The following TRPM3 variants were observed in gnomAD, a reference collection of about 807,000 sequenced individuals.
TRPM3 encodes long transient receptor potential channel 3.
TRPM3 carries 77 observed loss-of-function variants against 181.2 expected under a neutral mutation model. The ratio of observed to expected loss-of-function variants is 0.42; its 90% confidence interval spans 0.35 to 0.51. The LOEUF (loss-of-function observed/expected upper bound fraction) is 0.51. TRPM3 is among the 20% of genes least tolerant of loss of function. TRPM3 has a pLI of 0.01. For synonymous variants in TRPM3, 745 were observed against 796.4 expected, an observed-to-expected ratio of 0.94 and a Z score of 1.09; for missense variants, 1,759 against 2,196.7, an observed-to-expected ratio of 0.80 and a Z score of 3.98.
At chr9:71,219,359 T>TGTG (rs1209842015) in intron 1 of TRPM3, among the ~76,000 whole-genome samples, 1 of 152,222 alleles carries the variant, frequency 6.6e-6, no homozygotes. Flanking sequence ...CCTGAACCTC[T>TGTG]TAATGGTCAA....
chr9:70,561,806 G>A (rs923181834), intron 22 of TRPM3, among the ~76,000 whole-genome samples: 1 of 152,168 alleles, frequency 6.6e-6, no homozygotes, highest in Non-Finnish European at 1.5e-5. Context: ...GGAAGTCCAA[G>A]ATGGCTTTAG....
At chr9:71,168,943 C>T (rs1017040699) in intron 1 of TRPM3, among the ~76,000 whole-genome samples, 7 of 152,084 alleles carry the variant, frequency 4.6e-5, no homozygotes, top group African/African-American at 1.7e-4. Flanking sequence ...CCTGCTGTTT[C>T]ATTTCCTCAT....
chr9:71,263,863 T>C lies in TRPM3; in HGVS notation c.183+182790A>G, dbSNP rs761009138. ...GGCATGATCATAACTCACTGCAGCC[T>C]GAAACTCCCAGGCTCAAGCAAGCCT... On this transcript the variant is annotated intron_variant, in intron 1 of 24. Coordinates refer to the TRPM3 transcript ENST00000357533. Among the ~76,000 whole-genome samples the C allele has an allele frequency of 1.1e-3, 170 of 152,278 alleles. 3 individuals are homozygous for C. The highest frequency in any genetic ancestry group is 7.2e-4 in the Admixed American group (11 of 15,280).
intron 1 of TRPM3, among the ~76,000 whole-genome samples, chr9:70,937,040 T>A (rs574820642): frequency 5.6e-4 from 86 of 152,280 alleles, no homozygotes; most frequent in African/African-American, 2.0e-3. Context: ...ATTAACACAA[T>A]GAAGAAAAGT....
At chr9:71,099,618 C>T (rs2067960493) in intron 1 of TRPM3, among the ~76,000 whole-genome samples, 1 of 152,066 alleles carries the variant, frequency 6.6e-6, no homozygotes, top group African/African-American at 2.4e-5. Context: ...TTCCCCCCCT[C>T]AAAAAACCTG....
At chr9:70,916,885 G>A in intron 1 of TRPM3, 1 of 676,782 alleles carries the variant, frequency 1.5e-6, no homozygotes, top group Non-Finnish European at 2.4e-6. Flanking sequence ...AAAAGTCAGT[G>A]CTGGCAGATG....
In TRPM3 at chr9:70,529,976, G is replaced by C. The variant is rs1244018054; in HGVS notation, c.*5977C>G. 6.6e-6 allele frequency: 1 copy of C among 152,246 alleles called. No homozygotes were observed. Among genetic ancestry groups the C allele is most frequent in the East Asian group, 1.9e-4 (1 of 5,202 alleles). 9.4% of individuals were successfully genotyped at this position (152,246 alleles called of 1,614,324 possible). A position where few individuals can be genotyped will look rare whatever the true frequency, so the allele number is the denominator to read the frequency against. ...CTGGATCCGGCCCCTCCATGTGTTTGAATTTGCAGCCTCTCAGTCTATGTG... is the reference window on the plus strand; with the variant it reads ...CTGGATCCGGCCCCTCCATGTGTTTCAATTTGCAGCCTCTCAGTCTATGTG... On this transcript the variant is annotated 3_prime_UTR_variant, in exon 26 of 26. Transcript: ENST00000677713.
At chr9:71,223,734 TG>T (rs1239025949) in intron 1 of TRPM3, among the ~76,000 whole-genome samples, 1 of 152,132 alleles carries the variant, frequency 6.6e-6, no homozygotes, top group Non-Finnish European at 1.5e-5. Context: ...GAAGAATCCT[TG>T]GGGGATACCC....
At chr9:70,766,888 TCTA>T (rs2079239185) in intron 7 of TRPM3, among the ~76,000 whole-genome samples, 1 of 152,234 alleles carries the variant, frequency 6.6e-6, no homozygotes, top group African/African-American at 2.4e-5. Flanking sequence ...GTGTTGATGT[TCTA>T]TTTTTCATAT....
rs144440517 is a variant in TRPM3 at position 70,648,801 on chromosome 9, T to C, written c.1346-8141A>G. ...TAACTGGTTAGCCACATGCAAAAGA[T>C]TGAAACTGGACCCCTTCGTTTCACT... On this transcript the variant is annotated intron_variant, in intron 9 of 25. Coordinates refer to ENST00000677713, the MANE Select transcript of TRPM3 (RefSeq NM_001366145.2). Among the ~76,000 whole-genome samples, 214 of 152,226 alleles carry C rather than the reference T, an allele frequency of 1.4e-3. 1 individual carries two copies. Among genetic ancestry groups the C allele is most frequent in the African/African-American group, 4.8e-3 (200 of 41,548 alleles).
At chr9:70,899,843 T>C (rs927191162) in intron 1 of TRPM3, among the ~76,000 whole-genome samples, 1 of 152,200 alleles carries the variant, frequency 6.6e-6, no homozygotes, top group Non-Finnish European at 1.5e-5. Context: ...AGAAGATACT[T>C]GATATTTGAA....
At chr9:71,147,124 A>G (rs972466494) in intron 1 of TRPM3, among the ~76,000 whole-genome samples, 5 of 152,136 alleles carry the variant, frequency 3.3e-5, no homozygotes, top group African/African-American at 1.2e-4. Context: ...CTAGGAGCCA[A>G]GTGTTCCCTT....
At chr9:71,125,136 C>G (rs893273372), upstream of TRPM3, among the ~76,000 whole-genome samples, 1 of 152,118 alleles carries the variant, frequency 6.6e-6, no homozygotes, top group South Asian at 2.1e-4. Context: ...TTAATATTAA[C>G]GTCTTGCTTG....
chr9:71,067,534 T>C (rs983089491), intron 1 of TRPM3, among the ~76,000 whole-genome samples: 2 of 152,182 alleles, frequency 1.3e-5, no homozygotes, highest in Non-Finnish European at 2.9e-5. Flanking sequence ...GAATAAATCA[T>C]CTGTTTATAC....
At chr9:70,962,162 A>G (rs1220454270) in intron 1 of TRPM3, among the ~76,000 whole-genome samples, 1 of 152,152 alleles carries the variant, frequency 6.6e-6, no homozygotes, top group African/African-American at 2.4e-5. Flanking sequence ...TAGAACTTAT[A>G]TTGAGGCATT....
chr9:70,697,190 C>T (rs1228275763), intron 8 of TRPM3, among the ~76,000 whole-genome samples: 1 of 152,166 alleles, frequency 6.6e-6, no homozygotes, highest in African/African-American at 2.4e-5. Context: ...TGCAAGTCCT[C>T]ACGTAAAACT....
chr9:70,844,094 T>C (rs2094837307), intron 4 of TRPM3, among the ~76,000 whole-genome samples: 1 of 152,188 alleles, frequency 6.6e-6, no homozygotes, highest in Admixed American at 6.5e-5. Flanking sequence ...CTTCTAACAG[T>C]AAAACTGTTT....
upstream of TRPM3, among the ~76,000 whole-genome samples, chr9:71,125,086 C>A (rs546321832): frequency 5.9e-5 from 9 of 152,226 alleles, no homozygotes; most frequent in South Asian, 1.9e-3. Flanking sequence ...CAGTGGTGAG[C>A]CTTTGTAGAC....
chr9:70,944,948 T>C (rs1319081290), intron 1 of TRPM3, among the ~76,000 whole-genome samples: 1 of 150,666 alleles, frequency 6.6e-6, no homozygotes, highest in Non-Finnish European at 1.5e-5. Context: ...AGAGAATCAA[T>C]GGAAGTTTGT....
Sources: gnomAD v4.1 joint callset for allele counts (sites outside exome capture counted in the v4.1 genomes callset) on GRCh38, gnomAD v4.1.1 for gene constraint, MANE v1.5 for transcripts, NCBI Gene and HGNC (gene_info 2026-07-23, HGNC 2026-07-21) for gene names.